Variants in LUZP2 observed in about 807,000 individuals in gnomAD.
The protein encoded by LUZP2 is leucine zipper protein 2.
In LUZP2, 52 loss-of-function variants were observed where a neutral mutation model predicts 51.6. The observed-to-expected ratio is 1.01, with a 90% CI of 0.81 to 1.27. The LOEUF (loss-of-function observed/expected upper bound fraction) is 1.27. Among genes scored for constraint, LUZP2 ranks in the 50% most tolerant of loss-of-function variants. The pLI, the probability that LUZP2 is intolerant of heterozygous loss-of-function variation, is 0.00. For missense variants in LUZP2, 436 were observed against 395.4 expected (o/e 1.10, Z -0.87); for synonymous variants, 154 against 137.3 (o/e 1.12, Z -0.85).
intron 1 of LUZP2, among the ~76,000 whole-genome samples, chr11:24,528,696 AC>A (rs1289301666): frequency 6.6e-6 from 1 of 151,154 alleles, no homozygotes; most frequent in Non-Finnish European, 1.5e-5. Context: ...TAACAAAGCA[AC>A]CTGGAGATTC....
At chr11:24,815,002 A>AT (rs1385950111) in intron 5 of LUZP2, among the ~76,000 whole-genome samples, 4 of 146,138 alleles carry the variant, frequency 2.7e-5, no homozygotes, top group African/African-American at 1.0e-4. Flanking sequence ...AAAAAAAAAA[A>AT]AAAATAAAAA....
chr11:24,980,302 TACTA>T (rs1404080139), intron 8 of LUZP2, among the ~76,000 whole-genome samples: 2 of 151,720 alleles, frequency 1.3e-5, no homozygotes, highest in Non-Finnish European at 2.9e-5. Flanking sequence ...CTGAGAAAAG[TACTA>T]ACACACACCA....
intron 5 of LUZP2, among the ~76,000 whole-genome samples, chr11:24,873,578 A>G (rs1047211242): frequency 6.6e-6 from 1 of 152,178 alleles, no homozygotes; most frequent in Non-Finnish European, 1.5e-5. Flanking sequence ...ACCTTCTCTG[A>G]TAAATTGCAG....
chr11:24,969,893 G>T (rs768402353), intron 7 of LUZP2, among the ~76,000 whole-genome samples: 15 of 151,926 alleles, frequency 9.9e-5, no homozygotes, highest in Admixed American at 2.6e-4. Flanking sequence ...TCTGAGTTTT[G>T]GTGGGAACAC....
intron 7 of LUZP2, among the ~76,000 whole-genome samples, chr11:24,934,472 A>G (rs890421589): frequency 2.0e-5 from 3 of 152,222 alleles, no homozygotes; most frequent in Admixed American, 2.0e-4. Context: ...AATGTGTTCC[A>G]TAACTGCCAG....
At position 24,609,729 on chromosome 11, in the gene LUZP2, C is replaced by CAAAAAAAAAAA. The variant is rs34436907; in HGVS notation, c.62+112443_62+112453dup. Reference sequence around the variant, plus strand: ...TGGATGATAGAGCAAGACTCCAGCTCAAAAAAAAAAAAAAAAAAAAAAAAA... The same window carrying CAAAAAAAAAAA: ...TGGATGATAGAGCAAGACTCCAGCTCAAAAAAAAAAAAAAAAAAAAAAAAAAAAAAAAAAAA... On this transcript the variant is annotated intron_variant, in intron 1 of 11. Coordinates refer to ENST00000336930, the MANE Select transcript of LUZP2 (RefSeq NM_001009909.4). Among the ~76,000 whole-genome samples the CAAAAAAAAAAA allele has an allele frequency of 4.6e-5, 3 of 65,896 alleles. 1 individual carries two copies. Among genetic ancestry groups the CAAAAAAAAAAA allele is most frequent in the African/African-American group, 2.2e-4 (3 of 13,748 alleles). The allele number at this position is 65,896 out of a possible 152,430, so 43.2% of individuals were successfully genotyped here. A position where few individuals can be genotyped will look rare whatever the true frequency, so the allele number is the denominator to read the frequency against.
chr11:25,006,256 AG>A (rs1247710448), intron 9 of LUZP2, among the ~76,000 whole-genome samples: 15 of 152,152 alleles, frequency 9.9e-5, no homozygotes, highest in African/African-American at 3.1e-4. Context: ...CTAGTCTTGG[AG>A]AAGAGAGGTG....
intron 5 of LUZP2, chr11:24,785,700 T>C (rs926471072): frequency 3.5e-5 from 7 of 199,022 alleles, no homozygotes; most frequent in African/African-American, 1.7e-4. Context: ...TTAAGATAAA[T>C]CGTTATATCA....
At chr11:24,682,883 A>G (rs528480975) in intron 1 of LUZP2, among the ~76,000 whole-genome samples, 37 of 152,106 alleles carry the variant, frequency 2.4e-4, no homozygotes, top group African/African-American at 7.7e-4. Context: ...GCGTGCCTCT[A>G]GTCCCTGCTA....
intron 5 of LUZP2, among the ~76,000 whole-genome samples, chr11:24,844,161 C>A (rs576234379): frequency 4.8e-4 from 73 of 152,228 alleles, no homozygotes; most frequent in African/African-American, 1.7e-3. Flanking sequence ...TCCATATAGA[C>A]TTGTTGAATG....
chr11:24,999,475 AAAG>A (rs763536317), intron 9 of LUZP2, among the ~76,000 whole-genome samples: 29 of 150,338 alleles, frequency 1.9e-4, no homozygotes, highest in East Asian at 5.9e-4. Context: ...AAAAGGAGAA[AAAG>A]AAGAAGAAGA....
chr11:24,534,562 A>G (rs1457867235), intron 1 of LUZP2, among the ~76,000 whole-genome samples: 1 of 151,356 alleles, frequency 6.6e-6, no homozygotes, highest in Non-Finnish European at 1.5e-5. Context: ...ATATATAGAG[A>G]GAGTAAACAC....
intron 7 of LUZP2, among the ~76,000 whole-genome samples, chr11:24,968,262 T>C (rs181514964): frequency 5.4e-4 from 82 of 152,242 alleles, no homozygotes; most frequent in African/African-American, 1.9e-3. Flanking sequence ...ACAGTAAATA[T>C]TTTAGTCTGA....
intron 5 of LUZP2, among the ~76,000 whole-genome samples, chr11:24,787,877 C>T (rs1323624045): frequency 6.6e-6 from 1 of 152,174 alleles, no homozygotes; most frequent in Non-Finnish European, 1.5e-5. Flanking sequence ...AATCCTGCCT[C>T]AGCATCTTGA....
chr11:24,903,679 A>G (rs1853347534), intron 5 of LUZP2, among the ~76,000 whole-genome samples: 2 of 152,154 alleles, frequency 1.3e-5, no homozygotes, highest in South Asian at 2.1e-4. Flanking sequence ...TGTTTTGGTT[A>G]TCTGCTCTCC....
chr11:24,738,326 C>T (rs904855627), intron 4 of LUZP2, 24 bp downstream of exon 4: 1 of 1,551,084 alleles, frequency 6.4e-7, no homozygotes, highest in African/African-American at 1.4e-5. Flanking sequence ...TTCTTTGTGC[C>T]TTTTGCTTTT....
chr11:24,892,368 A>T, intron 5 of LUZP2: 2 of 985,254 alleles, frequency 2.0e-6, no homozygotes, highest in South Asian at 4.7e-5. Flanking sequence ...TAGATGACCT[A>T]AAAGTTCTTA....
intron 9 of LUZP2, among the ~76,000 whole-genome samples, chr11:24,984,321 G>C (rs372503037): frequency 2.6e-5 from 4 of 151,140 alleles, no homozygotes; most frequent in African/African-American, 9.7e-5. Flanking sequence ...CTATTTTCAG[G>C]ATGGAGAGTC....
At chr11:24,996,572 T>A (rs11028326) in intron 9 of LUZP2, among the ~76,000 whole-genome samples, 70 of 132,640 alleles carry the variant, frequency 5.3e-4, no homozygotes, top group African/African-American at 1.9e-3. Context: ...CTTTTTTCTT[T>A]TTTTATTTTA....
Sources: allele counts gnomAD v4.1 joint callset (sites outside exome capture counted in the v4.1 genomes callset), GRCh38; gene constraint gnomAD v4.1.1; transcripts MANE v1.5; gene names NCBI Gene and HGNC (gene_info 2026-07-23, HGNC 2026-07-21).